Variants in SLC39A11 observed in about 807,000 individuals in gnomAD.
The protein encoded by SLC39A11 is solute carrier family 39 member 11.
SLC39A11 carries 33 observed loss-of-function variants against 36.1 expected under a neutral mutation model. The ratio of observed to expected loss-of-function variants is 0.91; its 90% CI spans 0.69 to 1.22. The LOEUF (loss-of-function observed/expected upper bound fraction) is 1.22, where lower values mean the gene tolerates loss of function less well. Among genes scored for constraint, SLC39A11 ranks in the 50% most tolerant of loss-of-function variants. The probability of loss-of-function intolerance (pLI) is 0.00; values close to 1 mark genes in which losing one functional copy is unlikely to be tolerated. For synonymous variants in SLC39A11, 166 were observed against 170.3 expected (o/e 0.97, Z 0.20); for missense variants, 432 against 430.3 (o/e 1.00, Z -0.03).
intron 3 of SLC39A11, among the ~76,000 whole-genome samples, chr17:73,058,688 A>C (rs1455881186): frequency 1.3e-5 from 2 of 152,232 alleles, no homozygotes; most frequent in South Asian, 4.2e-4. Context: ...GCACCACTGC[A>C]CTCCAGCCTG....
chr17:72,968,644 G>A (rs189763087), intron 4 of SLC39A11, among the ~76,000 whole-genome samples: 26 of 152,164 alleles, frequency 1.7e-4, no homozygotes, highest in Admixed American at 5.2e-4. Context: ...AATCCTCCCC[G>A]ACCGCCCATC....
At chr17:73,031,789 C>A in intron 3 of SLC39A11, 75 bp from the exon 4 acceptor site, 2 of 1,486,648 alleles carry the variant, frequency 1.3e-6, no homozygotes, top group Admixed American at 1.9e-5. Flanking sequence ...CAGTTGCTCT[C>A]TGTGGCCCAG....
chr17:72,778,667 C>T (rs750269279), intron 6 of SLC39A11, among the ~76,000 whole-genome samples: 6 of 152,204 alleles, frequency 3.9e-5, no homozygotes, highest in African/African-American at 9.7e-5. Context: ...GCTCTGTCCA[C>T]GGTAGTGGCG....
At chr17:72,986,713 A>G (rs1191255651) in intron 4 of SLC39A11, among the ~76,000 whole-genome samples, 3 of 152,152 alleles carry the variant, frequency 2.0e-5, no homozygotes, top group Non-Finnish European at 4.4e-5. Flanking sequence ...TGTGAGAAGC[A>G]CTTGTAGATT....
At chr17:73,085,788 A>C (rs909733309) in intron 2 of SLC39A11, among the ~76,000 whole-genome samples, 2 of 152,168 alleles carry the variant, frequency 1.3e-5, no homozygotes, top group African/African-American at 4.8e-5. Flanking sequence ...ACTTGTATTC[A>C]ACAAACCCAT....
intron 3 of SLC39A11, among the ~76,000 whole-genome samples, chr17:73,034,793 C>G (rs901553314): frequency 2.0e-5 from 3 of 152,170 alleles, no homozygotes; most frequent in Non-Finnish European, 2.9e-5. Flanking sequence ...CACTGAGTAC[C>G]AACCTTTTTT....
At chr17:72,866,503 G>A (rs1330567164) in intron 5 of SLC39A11, among the ~76,000 whole-genome samples, 2 of 152,036 alleles carry the variant, frequency 1.3e-5, no homozygotes, top group South Asian at 2.1e-4. Context: ...TGTTTTCCAC[G>A]AGACAAGTGT....
intron 5 of SLC39A11, among the ~76,000 whole-genome samples, chr17:72,935,555 A>C (rs559116148): frequency 1.3e-5 from 2 of 152,296 alleles, no homozygotes; most frequent in African/African-American, 4.8e-5. Flanking sequence ...ATAAATTTTT[A>C]AAAATATTCA....
intron 7 of SLC39A11, among the ~76,000 whole-genome samples, chr17:72,660,627 T>G (rs2070368047): frequency 6.6e-6 from 1 of 152,150 alleles, no homozygotes; most frequent in Non-Finnish European, 1.5e-5. Context: ...GAGCTGAGGT[T>G]CTGGCCTCTT....
chr17:73,059,705 G>GA (rs35281532), intron 3 of SLC39A11, among the ~76,000 whole-genome samples: 60,864 of 149,010 alleles, frequency 0.41, 12,867 homozygotes, highest in Non-Finnish European at 0.47. Flanking sequence ...CATATGCAAG[G>GA]AAAAAAAAGA....
chr17:73,043,008 G>T (rs1344293349), intron 3 of SLC39A11, among the ~76,000 whole-genome samples: 1 of 152,158 alleles, frequency 6.6e-6, no homozygotes, highest in Non-Finnish European at 1.5e-5. Flanking sequence ...GGATCTGGGC[G>T]CTGCCTCCAG....
intron 3 of SLC39A11, 84 bp from the exon 4 acceptor site, chr17:73,031,798 A>C: frequency 7.3e-7 from 1 of 1,375,890 alleles, no homozygotes; most frequent in Non-Finnish European, 1.0e-6. Context: ...TCTGTGGCCC[A>C]GATTGACCCC....
intron 3 of SLC39A11, among the ~76,000 whole-genome samples, chr17:73,060,227 A>G (rs111281123): frequency 0.1 from 14,682 of 146,958 alleles, 782 homozygotes; most frequent in Non-Finnish European, 0.15. Flanking sequence ...AAAAAAAAAA[A>G]AAAGAAAGAA....
chr17:72,963,223 T>C (rs972553521), intron 4 of SLC39A11, among the ~76,000 whole-genome samples: 1 of 135,550 alleles, frequency 7.4e-6, no homozygotes, highest in Non-Finnish European at 1.5e-5. Flanking sequence ...CAGGCTGGAG[T>C]GCAGTGGTGC....
chr17:73,080,625 A>T (rs866528028), intron 3 of SLC39A11, among the ~76,000 whole-genome samples: 17 of 152,222 alleles, frequency 1.1e-4, no homozygotes, highest in African/African-American at 3.9e-4. Context: ...AAAAACAACG[A>T]TAAACAGATA....
At position 72,783,004 on chromosome 17, in the gene SLC39A11, CA is replaced by C. The variant is rs34750819; in HGVS notation, c.602-46286del. Among the ~76,000 whole-genome samples, 260 of 80,988 alleles carry C rather than the reference CA, an allele frequency of 3.2e-3. 5 individuals carry two copies. Among genetic ancestry groups the C allele is most frequent in the African/African-American group, 0.015 (223 of 15,288 alleles). The allele number at this position is 80,988 out of a possible 152,430, so 53.1% of individuals were successfully genotyped here. ...ATGACAGCGCAAGACTCTGTCTCAA[CA>C]AAAAAAAAAAAAAAAAAGAAAAAAG... On this transcript the variant is annotated intron_variant, in intron 6 of 9. Transcript: ENST00000255559.
intron 4 of SLC39A11, among the ~76,000 whole-genome samples, chr17:72,985,902 A>G (rs1043690308): frequency 6.6e-6 from 1 of 152,124 alleles, no homozygotes; most frequent in Non-Finnish European, 1.5e-5. Context: ...ATTCAATATG[A>G]TTTTTTCCTT....
intron 4 of SLC39A11, among the ~76,000 whole-genome samples, chr17:73,015,588 TTTA>T (rs1211863257): frequency 2.6e-5 from 4 of 152,140 alleles, no homozygotes; most frequent in Non-Finnish European, 5.9e-5. Context: ...TATTTTTATT[TTTA>T]TTATTTCTTT....
chr17:72,760,419 C>G (rs1339086003), intron 6 of SLC39A11, among the ~76,000 whole-genome samples: 1 of 152,212 alleles, frequency 6.6e-6, no homozygotes, highest in Non-Finnish European at 1.5e-5. Flanking sequence ...TCCATCTGAG[C>G]CTTTTGCTCC....
Sources: allele counts gnomAD v4.1 joint callset (sites outside exome capture counted in the v4.1 genomes callset), GRCh38; gene constraint gnomAD v4.1.1; transcripts MANE v1.5; gene names NCBI Gene and HGNC (gene_info 2026-07-23, HGNC 2026-07-21).